The following FAM83G variants were observed in gnomAD, a reference collection of about 807,000 sequenced individuals.
The protein encoded by FAM83G is protein FAM83G.
FAM83G carries 38 observed loss-of-function variants against 61.5 expected under a neutral mutation model. The ratio of observed to expected loss-of-function variants is 0.62; its 90% confidence interval spans 0.48 to 0.81. The LOEUF is 0.81. Ranked by LOEUF, FAM83G falls within the 30% of genes least tolerant of loss-of-function variation. The probability of loss-of-function intolerance (pLI) is 0.00; values close to 1 mark genes in which losing one functional copy is unlikely to be tolerated. For synonymous variants in FAM83G, 470 were observed against 476.1 expected (o/e 0.99, Z 0.17); for missense variants, 989 against 1,133.6 (o/e 0.87, Z 1.83).
Position 18,971,623 on chromosome 17 carries a change from TG to T in FAM83G, c.2207del (p.Pro736GlnfsTer35). On this transcript the variant is annotated frameshift_variant, in exon 6 of 6. Transcript: ENST00000388995. LOFTEE classifies it high-confidence loss of function. This position sits in a 1 kb window ranked among gnomAD's most constrained non-coding sequence, Gnocchi z 5.5. The stretch of plus-strand genomic sequence containing the variant: ...GCCAGTGGTGGGGGCCAGCCATGGC[TG>T]GGCCAGCGTTTCTGGTAGAGCTCTG... The part of the protein sequence containing the change: ...SVQSSTRNAG[P>X]AMAGPHHWQA... The T allele has an allele frequency of 6.2e-7, 1 of 1,613,486 alleles. No individual in the cohort carries two copies. The highest frequency in any genetic ancestry group is 8.5e-7 in the Non-Finnish European group (1 of 1,179,992).
intron 5 of FAM83G, chr17:18,975,623 AG>A (rs1172219087): frequency 6.6e-6 from 1 of 151,658 alleles, no homozygotes; most frequent in Admixed American, 6.6e-5. Context: ...GAACCCTGGA[AG>A]GCAGAGGTTG....
intron 3 of FAM83G, 60 bp from the exon 4 acceptor site, chr17:18,979,733 G>C (rs998825184): frequency 2.1e-5 from 33 of 1,597,266 alleles, no homozygotes; most frequent in Non-Finnish European, 2.6e-5. Context: ...ACAGGGCGAG[G>C]GGAGGACGGC....
Position 18,970,689 on chromosome 17 carries a change from T to C in FAM83G, c.*670A>G, listed in dbSNP as rs1388589663. 2 of 361,788 alleles carry C rather than the reference T, an allele frequency of 5.5e-6. No individual in the cohort carries two copies. The highest frequency in any genetic ancestry group is 5.3e-5 in the East Asian group (1 of 18,906). 22.4% of individuals were successfully genotyped at this position (361,788 alleles called of 1,614,324 possible). A position where few individuals can be genotyped will look rare whatever the true frequency, so the allele number is the denominator to read the frequency against. On this transcript the variant is annotated 3_prime_UTR_variant, in exon 6 of 6. Coordinates refer to ENST00000388995, the MANE Select transcript of FAM83G (RefSeq NM_001039999.3). Reference sequence around the variant, plus strand: ...TTGAATCGACAATCGGAAACCTGGCTGAGAACCACTTGCCCAAGGCCGATG... The same window carrying C: ...TTGAATCGACAATCGGAAACCTGGCCGAGAACCACTTGCCCAAGGCCGATG...
rs2152143819 is a variant in FAM83G at position 19,004,134 on chromosome 17, C to G, written c.-93G>C. On this transcript the variant is annotated 5_prime_UTR_variant, in exon 2 of 6. Transcript: ENST00000388995. This position sits in a 1 kb window ranked among gnomAD's most constrained non-coding sequence, Gnocchi z 5.4. ...GCTGGGGCACCGCGCGCTCGGGGGC[C>G]TCTCCGCGGCCTCTGCTTCTCTGCC... 1.5e-5 allele frequency: 19 copies of G among 1,256,172 alleles called. 1 individual carries two copies. The South Asian group carries it at 2.6e-4, about 18-fold the overall frequency. The allele number at this position is 1,256,172 out of a possible 1,614,324, so 77.8% of individuals were successfully genotyped here.
chr17:18,994,983 C>G (rs1195764626), intron 2 of FAM83G, among the ~76,000 whole-genome samples: 1 of 152,250 alleles, frequency 6.6e-6, no homozygotes, highest in South Asian at 2.1e-4. Context: ...TAAAGCTTGA[C>G]AGGAAGCCAC....
At chr17:18,983,374 A>G (rs1007592724) in intron 3 of FAM83G, among the ~76,000 whole-genome samples, 2 of 152,262 alleles carry the variant, frequency 1.3e-5, no homozygotes. Flanking sequence ...CCATGTAGGC[A>G]GCACCAGGAC....
chr17:18,974,706 G>A (rs1167263600), intron 5 of FAM83G, among the ~76,000 whole-genome samples: 1 of 152,264 alleles, frequency 6.6e-6, no homozygotes, highest in Admixed American at 6.5e-5. Context: ...GGCCCTTGAG[G>A]AGCCAGGGAC....
Position 18,971,752 on chromosome 17 carries a change from GGAGA to G in FAM83G, c.2083-8_2083-5del. The G allele has an allele frequency of 6.4e-7, 1 of 1,555,552 alleles. No individual in the cohort carries two copies. Among genetic ancestry groups the G allele is most frequent in the Non-Finnish European group, 8.7e-7 (1 of 1,149,024 alleles). On this transcript the variant is annotated splice_region_variant and splice_polypyrimidine_tract_variant and intron_variant, in intron 5 of 5. Transcript: ENST00000388995. This position sits in a 1 kb window ranked among gnomAD's most constrained non-coding sequence, Gnocchi z 5.5. The stretch of plus-strand genomic sequence containing the variant: ...TGTGATGATGAAACTGCTGGCCCTG[GGAGA>G]GAGAGAGCAGAGAGTGAGGCTGAGC...
At chr17:19,002,656 A>G (rs563789996) in intron 2 of FAM83G, among the ~76,000 whole-genome samples, 1 of 152,348 alleles carries the variant, frequency 6.6e-6, no homozygotes, top group African/African-American at 2.4e-5. Context: ...AACGATGAGA[A>G]GGTACTTACG....
rs2043569416 is a variant in FAM83G at position 18,996,248 on chromosome 17, G to A, written c.522+7272C>T. Among the ~76,000 whole-genome samples the A allele has an allele frequency of 6.6e-6, 1 of 152,076 alleles. No homozygotes were observed. The highest frequency in any genetic ancestry group is 1.9e-4 in the East Asian group (1 of 5,178). Reference sequence around the variant, plus strand: ...AAAAAGCTGAGAGAATTCATTACCAGCAGACCCGCACTCCCTCCTCCAGCT... The same window carrying A: ...AAAAAGCTGAGAGAATTCATTACCAACAGACCCGCACTCCCTCCTCCAGCT... On this transcript the variant is annotated intron_variant, in intron 2 of 5. Coordinates refer to ENST00000388995, the MANE Select transcript of FAM83G (RefSeq NM_001039999.3). This position sits in a 1 kb window ranked among gnomAD's most constrained non-coding sequence, Gnocchi z 4.4.
intron 3 of FAM83G, among the ~76,000 whole-genome samples, chr17:18,982,565 C>T (rs973729442): frequency 6.6e-6 from 1 of 152,210 alleles, no homozygotes; most frequent in African/African-American, 2.4e-5. Context: ...TAAGAGAGGA[C>T]GTCAAGGGCG....
Position 18,989,413 on chromosome 17 carries a change from C to T in FAM83G, c.523-999G>A, listed in dbSNP as rs141743979. Among the ~76,000 whole-genome samples the T allele has an allele frequency of 4.6e-5, 7 of 151,976 alleles. No homozygotes were observed. The East Asian group carries it at 1.4e-3, about 29-fold the overall frequency. ...CCAAAGTGAGCTCACCAGGCTGGCC[C>T]CTGCAGGCCCATCTGGGCTCCTCCT... is the stretch of plus-strand genomic sequence containing the variant. On this transcript the variant is annotated intron_variant, in intron 2 of 5. Transcript: ENST00000388995.
At chr17:19,001,018 G>A (rs2043716481) in intron 2 of FAM83G, among the ~76,000 whole-genome samples, 1 of 152,198 alleles carries the variant, frequency 6.6e-6, no homozygotes, top group African/African-American at 2.4e-5. Flanking sequence ...CCTAGAGTTT[G>A]AGGGAAACAC....
chr17:18,990,523 C>T (rs769790616), intron 2 of FAM83G, among the ~76,000 whole-genome samples: 11 of 152,224 alleles, frequency 7.2e-5, no homozygotes, highest in Admixed American at 3.9e-4. Flanking sequence ...CCCTGCCTAC[C>T]GTGGCAGATG....
At chr17:18,984,332 CAAAAAAAA>C (rs1176935676) in intron 3 of FAM83G, among the ~76,000 whole-genome samples, 2 of 68,004 alleles carry the variant, frequency 2.9e-5, no homozygotes, top group African/African-American at 5.5e-5. Flanking sequence ...GACTCCCTCT[CAAAAAAAA>C]AAAAAAAAAA....
At chr17:18,973,033 G>A (rs1323210142) in intron 5 of FAM83G, among the ~76,000 whole-genome samples, 4 of 152,220 alleles carry the variant, frequency 2.6e-5, no homozygotes, top group African/African-American at 9.6e-5. Flanking sequence ...TCATGGGAGG[G>A]CTTTCCAGGG....
rs1293328231 is a variant in FAM83G at position 18,978,555 on chromosome 17, T to G, written c.1111A>C (p.Lys371Gln). Residue 371 changes from lysine (K) to glutamine (Q), a missense_variant, in exon 5 of 6, where the codon AAG becomes CAG. Lys to Gln is a moderately conservative substitution (Grantham distance 53). Around this residue, in one of 3 missense-constraint regions of FAM83G, gnomAD observed 574 missense variants for 645.1 expected, o/e 0.89. Coordinates refer to ENST00000388995, the MANE Select transcript of FAM83G (RefSeq NM_001039999.3). ...AKISSEKQEA[K>Q]KPLGLKGPAL... ...GGGCCTTTCAGCCCCAGGGGCTTCT[T>G]GGCCTCCTGCTTCTCAGAGGAGATC... 8 of 1,613,322 alleles carry G rather than the reference T, an allele frequency of 5.0e-6. No individual in the cohort carries two copies. Among genetic ancestry groups the G allele is most frequent in the Non-Finnish European group, 6.8e-6 (8 of 1,180,010 alleles).
chr17:18,978,226 G>A lies in FAM83G; in HGVS notation c.1440C>T (p.Pro480=), dbSNP rs1366967653. The part of the protein sequence containing the change: ...PRPEPCPPPE[P]SAPQDGVPAE... The stretch of plus-strand genomic sequence containing the variant: ...CTGGGACACCGTCCTGGGGGGCACT[G>A]GGCTCTGGGGGAGGGCAAGGCTCTG... Residue 480 remains proline (P), a synonymous_variant, in exon 5 of 6, where the codon CCC becomes CCT. Transcript: ENST00000388995. 2 of 1,583,790 alleles carry A rather than the reference G, an allele frequency of 1.3e-6. No homozygotes were observed. Among genetic ancestry groups the A allele is most frequent in the East Asian group, 4.5e-5 (2 of 44,626 alleles).
In FAM83G at chr17:19,003,835, C is replaced by T. The variant is rs1407213453; in HGVS notation, c.207G>A (p.Glu69=). The T allele has an allele frequency of 1.9e-6, 3 of 1,612,914 alleles. No homozygotes were observed. Among genetic ancestry groups the T allele is most frequent in the East Asian group, 4.5e-5 (2 of 44,852 alleles). ...AGCCCGGGTCGTACACCTCGATGGT[C>T]TCCAGGATGCGCTTGAGCTCCAGCT... ...LSELELKRIL[E]TIEVYDPGSE... Residue 69 remains glutamate, a synonymous_variant, in exon 2 of 6, where the codon GAG becomes GAA. Coordinates refer to ENST00000388995, the MANE Select transcript of FAM83G (RefSeq NM_001039999.3). The surrounding 1 kb of genome is among the most constrained non-coding windows in gnomAD (Gnocchi z 4.5).
Sources: gnomAD v4.1 joint callset for allele counts (sites outside exome capture counted in the v4.1 genomes callset) on GRCh38, gnomAD v4.1.1 for gene constraint, gnomAD v4.1.1 regional missense constraint, Gnocchi (gnomAD v3.1) non-coding constraint, MANE v1.5 for transcripts, NCBI Gene and HGNC (gene_info 2026-07-23, HGNC 2026-07-21) for gene names.